Variants in DYNC1I1 observed in about 807,000 individuals in gnomAD.
DYNC1I1 encodes the protein dynein cytoplasmic 1 intermediate chain 1.
In DYNC1I1, 43 loss-of-function variants were observed where a neutral mutation model predicts 86.6. The observed-to-expected ratio is 0.50, with a 90% CI of 0.39 to 0.64. The LOEUF is 0.64. Among genes scored for constraint, DYNC1I1 ranks in the 30% least tolerant of loss-of-function variants. The pLI, the probability that DYNC1I1 is intolerant of heterozygous loss-of-function variation, is 0.00. For missense variants in DYNC1I1, 604 were observed against 788.8 expected (o/e 0.77, Z 2.81); for synonymous variants, 262 against 283.7 (o/e 0.92, Z 0.77).
intron 6 of DYNC1I1, among the ~76,000 whole-genome samples, chr7:95,949,844 G>A (rs1370190090): frequency 3.3e-5 from 5 of 152,214 alleles, no homozygotes; most frequent in African/African-American, 1.2e-4. Context: ...GACCTGAACA[G>A]TAGAAGTCCA....
At chr7:95,810,087 T>G (rs867224618) in intron 2 of DYNC1I1, among the ~76,000 whole-genome samples, 3 of 152,152 alleles carry the variant, frequency 2.0e-5, no homozygotes, top group Non-Finnish European at 4.4e-5. Context: ...CAGAATTTTT[T>G]TTTATATTAT....
chr7:95,854,018 C>T (rs975287739), intron 5 of DYNC1I1, among the ~76,000 whole-genome samples: 1 of 152,100 alleles, frequency 6.6e-6, no homozygotes, highest in Non-Finnish European at 1.5e-5. Flanking sequence ...TTTTTCATCT[C>T]TTCACTTTCA....
rs1269461544 is a variant in DYNC1I1 at position 95,945,120 on chromosome 7, A to G, written c.491-32392A>G. ...ATTTTTTAATACAAATGTTTTGAGG[A>G]TAGTGTGATGTTAATCAGATGCATT... is the stretch of plus-strand genomic sequence containing the variant. On this transcript the variant is annotated intron_variant, in intron 6 of 16. Coordinates refer to ENST00000447467, the MANE Select transcript of DYNC1I1 (RefSeq NM_001135556.2). Among the ~76,000 whole-genome samples, 3 of 151,948 alleles carry G rather than the reference A, an allele frequency of 2.0e-5. No individual in the cohort carries two copies. The East Asian group carries it at 5.8e-4, about 29-fold the overall frequency.
intron 5 of DYNC1I1, among the ~76,000 whole-genome samples, chr7:95,832,079 T>C (rs922754539): frequency 6.7e-6 from 1 of 148,792 alleles, no homozygotes; most frequent in African/African-American, 2.5e-5. Context: ...TAACTCGTCA[T>C]ATAGCATTAG....
intron 6 of DYNC1I1, among the ~76,000 whole-genome samples, chr7:95,925,175 G>A (rs1791711107): frequency 6.6e-6 from 1 of 152,144 alleles, no homozygotes; most frequent in African/African-American, 2.4e-5. Flanking sequence ...GGCTGGGATG[G>A]TTCATGTAAG....
intron 6 of DYNC1I1, among the ~76,000 whole-genome samples, chr7:95,924,140 T>C (rs1791681545): frequency 6.6e-6 from 1 of 152,134 alleles, no homozygotes; most frequent in African/African-American, 2.4e-5. Context: ...TCTCCCCAAG[T>C]TTCTTTGCAC....
At chr7:95,913,971 G>A (rs777564501) in intron 6 of DYNC1I1, among the ~76,000 whole-genome samples, 13 of 152,208 alleles carry the variant, frequency 8.5e-5, no homozygotes, top group Admixed American at 3.3e-4. Context: ...CACCAGGTGA[G>A]AAGCTCTGAT....
At chr7:96,080,788 G>C (rs1203323398) in intron 16 of DYNC1I1, among the ~76,000 whole-genome samples, 2 of 152,086 alleles carry the variant, frequency 1.3e-5, no homozygotes, top group African/African-American at 2.4e-5. Context: ...GAAAAGTTTA[G>C]AGGCTGGGTG....
chr7:95,893,285 A>T (rs1790792058), intron 6 of DYNC1I1, among the ~76,000 whole-genome samples: 2 of 152,190 alleles, frequency 1.3e-5, no homozygotes, highest in Admixed American at 1.3e-4. Flanking sequence ...TTTCACTAGC[A>T]CTTGCAGTAT....
At chr7:95,892,703 TTC>T in intron 6 of DYNC1I1, among the ~76,000 whole-genome samples, 1 of 152,194 alleles carries the variant, frequency 6.6e-6, no homozygotes, top group African/African-American at 2.4e-5. Context: ...CACCTTGGCC[TTC>T]CAAAGTGCTG....
At chr7:95,793,295 G>A (rs577595463) in intron 1 of DYNC1I1, among the ~76,000 whole-genome samples, 2 of 152,224 alleles carry the variant, frequency 1.3e-5, no homozygotes, top group African/African-American at 4.8e-5. Context: ...TGGTGAGTTC[G>A]AGGATTTGGG....
chr7:95,933,223 A>G (rs1295023116), intron 6 of DYNC1I1, among the ~76,000 whole-genome samples: 1 of 152,188 alleles, frequency 6.6e-6, no homozygotes, highest in South Asian at 2.1e-4. Context: ...CATAATCTCT[A>G]AATATGAAAA....
intron 6 of DYNC1I1, among the ~76,000 whole-genome samples, chr7:95,900,120 G>T (rs1002802124): frequency 6.6e-6 from 1 of 152,132 alleles, no homozygotes; most frequent in Non-Finnish European, 1.5e-5. Context: ...TCTGTAGAGG[G>T]CGTCCGAGGC....
At chr7:95,973,389 G>A (rs957734881) in intron 6 of DYNC1I1, among the ~76,000 whole-genome samples, 1 of 152,132 alleles carries the variant, frequency 6.6e-6, no homozygotes, top group Non-Finnish European at 1.5e-5. Flanking sequence ...AAAGAATTCT[G>A]TGACCACTAA....
At chr7:96,023,544 C>T (rs1046433872) in intron 10 of DYNC1I1, among the ~76,000 whole-genome samples, 7 of 152,154 alleles carry the variant, frequency 4.6e-5, no homozygotes, top group East Asian at 3.9e-4. Context: ...CACTTAAAGA[C>T]GGGTCTGGGC....
chr7:95,778,229 GC>G (rs1793895633), intron 1 of DYNC1I1, among the ~76,000 whole-genome samples: 1 of 152,154 alleles, frequency 6.6e-6, no homozygotes, highest in Non-Finnish European at 1.5e-5. Context: ...GGAAAAAGGG[GC>G]CCCGAATAAT....
intron 5 of DYNC1I1, among the ~76,000 whole-genome samples, chr7:95,865,892 TCATGAAGCCACA>T (rs1790005423): frequency 6.6e-6 from 1 of 152,136 alleles, no homozygotes; most frequent in African/African-American, 2.4e-5. Flanking sequence ...GGTGTGCCCA[TCATGAAGCCACA>T]CATGACTGTA....
At chr7:96,103,614 A>ATTT (rs753097738) in intron 16 of DYNC1I1, among the ~76,000 whole-genome samples, 1 of 143,272 alleles carries the variant, frequency 7.0e-6, no homozygotes, top group Non-Finnish European at 1.5e-5. Flanking sequence ...CTCTATATGG[A>ATTT]TTTTTTTTTT....
At chr7:95,936,801 T>A (rs957114605) in intron 6 of DYNC1I1, among the ~76,000 whole-genome samples, 2 of 151,954 alleles carry the variant, frequency 1.3e-5, no homozygotes, top group African/African-American at 4.8e-5. Context: ...TTTTTTAAAG[T>A]GTGTATGGAA....
Sources: gnomAD v4.1 joint callset for allele counts (sites outside exome capture counted in the v4.1 genomes callset) on GRCh38, gnomAD v4.1.1 for gene constraint, MANE v1.5 for transcripts, NCBI Gene and HGNC (gene_info 2026-07-23, HGNC 2026-07-21) for gene names.